CACNA1E: variants seen among roughly 807,000 people sequenced by gnomAD.
CACNA1E encodes the protein calcium voltage-gated channel subunit alpha1 E.
Under a neutral mutation model 259.2 loss-of-function variants are expected in CACNA1E, and 40 were observed. The ratio of observed to expected loss-of-function variants is 0.15; its 90% CI spans 0.12 to 0.20. The LOEUF (loss-of-function observed/expected upper bound fraction) is 0.20. Ranked by LOEUF, CACNA1E falls within the 10% of genes least tolerant of loss-of-function variation. The pLI is 1.00. For missense variants in CACNA1E, 1,874 were observed against 3,040.1 expected (o/e 0.62, Z 9.02); for synonymous variants, 1,104 against 1,138.5 (o/e 0.97, Z 0.61).
Position 181,798,745 on chromosome 1 carries a change from C to T in CACNA1E, c.6853C>T (p.Arg2285Trp), listed in dbSNP as rs769784112. The T allele has an allele frequency of 1.2e-5, 19 of 1,605,054 alleles. No individual in the cohort carries two copies. Among genetic ancestry groups the T allele is most frequent in the Admixed American group, 3.4e-5 (2 of 59,620 alleles). The change falls in exon 48 of 48, where the codon CGG (arginine) becomes TGG (tryptophan). Residue 2285 changes from arginine (R) to tryptophan (W), a missense_variant. Transcript: ENST00000367573. The surrounding 1 kb of genome is among the most constrained non-coding windows in gnomAD (Gnocchi z 4.2). ...SWQMPNGHYR[R>W]RRRGGPGPGM... ...GCAGATGCCCAACGGGCACTATCGGCGGCGGAGGCGCGGGGGGCCTGGGCC... is the reference window on the plus strand; with the variant it reads ...GCAGATGCCCAACGGGCACTATCGGTGGCGGAGGCGCGGGGGGCCTGGGCC...
intron 1 of CACNA1E, among the ~76,000 whole-genome samples, chr1:181,340,439 A>C (rs1484789356): frequency 1.3e-5 from 2 of 152,100 alleles, no homozygotes; most frequent in Non-Finnish European, 2.9e-5. Context: ...TTATTCTTCC[A>C]CATGATCTTT....
At chr1:181,508,736 G>C (rs61812705) in intron 1 of CACNA1E, among the ~76,000 whole-genome samples, 20,532 of 152,204 alleles carry the variant, frequency 0.13, 1,505 homozygotes, top group South Asian at 0.17. Flanking sequence ...GGGCGTCTGT[G>C]GTGTGTGTCT....
chr1:181,324,348 G>A (rs532980346), intron 1 of CACNA1E, among the ~76,000 whole-genome samples: 1 of 152,314 alleles, frequency 6.6e-6, no homozygotes, highest in South Asian at 2.1e-4. Flanking sequence ...CAACATCAGG[G>A]AAGGCTTCTG....
chr1:181,583,556 T>A (rs1270152842), intron 6 of CACNA1E, among the ~76,000 whole-genome samples: 1 of 152,242 alleles, frequency 6.6e-6, no homozygotes, highest in Non-Finnish European at 1.5e-5. Flanking sequence ...TTTAACCTTT[T>A]TATATGCAAT....
intron 1 of CACNA1E, among the ~76,000 whole-genome samples, chr1:181,411,999 C>T (rs924313476): frequency 2.0e-4 from 30 of 152,264 alleles, no homozygotes; most frequent in Non-Finnish European, 3.4e-4. Context: ...GTTCTTCCTG[C>T]CTCTTCCATG....
At chr1:181,343,609 C>T (rs1003513282) in intron 1 of CACNA1E, among the ~76,000 whole-genome samples, 1 of 152,188 alleles carries the variant, frequency 6.6e-6, no homozygotes, top group African/African-American at 2.4e-5. Flanking sequence ...TTTTAAATTA[C>T]CCTCAGCTGT....
chr1:181,336,766 T>C lies in CACNA1E; in HGVS notation c.-15+18643T>C, dbSNP rs988237791. On this transcript the variant is annotated intron_variant, in intron 1 of 11. Coordinates refer to the CACNA1E transcript ENST00000524607. ...GCCCTTGGCAACCACCAATCTACTT[T>C]CTGTCTCTCTGAATTTGACTACTCT... is the stretch of plus-strand genomic sequence containing the variant. 3.9e-5 allele frequency among the ~76,000 whole-genome samples: 6 copies of C among 152,100 alleles called. No homozygotes were observed. The East Asian group carries it at 7.7e-4, about 20-fold the overall frequency.
intron 1 of CACNA1E, among the ~76,000 whole-genome samples, chr1:181,373,582 G>A (rs1415871982): frequency 4.9e-5 from 7 of 143,738 alleles, no homozygotes; most frequent in Middle Eastern, 3.7e-3. Flanking sequence ...CTGTCGCCCA[G>A]GCTGGAGTGC....
rs1197362049 is a variant in CACNA1E at position 181,801,024 on chromosome 1, T to C, written c.*2190T>C. ...AGCACCCTGATCCTAACAGGTGTGA[T>C]TGTTACGTAAGACGCTGATACTGGG... is the stretch of plus-strand genomic sequence containing the variant. On this transcript the variant is annotated 3_prime_UTR_variant, in exon 48 of 48. Transcript: ENST00000367573. 6.6e-6 allele frequency: 1 copy of C among 152,670 alleles called. No individual in the cohort carries two copies. The highest frequency in any genetic ancestry group is 1.5e-5 in the Non-Finnish European group (1 of 68,040). The allele number at this position is 152,670 out of a possible 1,614,324, so 9.5% of individuals were successfully genotyped here.
At chr1:181,694,182 G>T (rs555554286) in intron 7 of CACNA1E, among the ~76,000 whole-genome samples, 1 of 152,290 alleles carries the variant, frequency 6.6e-6, no homozygotes, top group South Asian at 2.1e-4. Context: ...TTTAATTCGT[G>T]AATGCAATGT....
At chr1:181,612,501 A>G (rs1186215484) in intron 6 of CACNA1E, among the ~76,000 whole-genome samples, 1 of 152,144 alleles carries the variant, frequency 6.6e-6, no homozygotes, top group Admixed American at 6.5e-5. Context: ...TTTGTGAGCA[A>G]CTGACATTGA....
intron 3 of CACNA1E, among the ~76,000 whole-genome samples, chr1:181,558,861 A>AC (rs1169762255): frequency 6.6e-6 from 1 of 152,060 alleles, no homozygotes; most frequent in Non-Finnish European, 1.5e-5. Context: ...AATTATGAGG[A>AC]CGTTGGCAGT....
chr1:181,510,716 T>A (rs1480925495), intron 2 of CACNA1E, 134 bp downstream of exon 2: 1 of 652,346 alleles, frequency 1.5e-6, no homozygotes, highest in Non-Finnish European at 2.8e-6. Flanking sequence ...GGGGACAAGC[T>A]AATGACAGAC....
intron 6 of CACNA1E, among the ~76,000 whole-genome samples, chr1:181,624,540 C>G (rs1356121693): frequency 1.3e-5 from 2 of 152,122 alleles, no homozygotes; most frequent in African/African-American, 4.8e-5. Context: ...TAGATTTCAT[C>G]TCAAAAAGTA....
intron 1 of CACNA1E, among the ~76,000 whole-genome samples, chr1:181,495,870 T>G (rs1193717443): frequency 6.6e-6 from 1 of 152,264 alleles, no homozygotes; most frequent in African/African-American, 2.4e-5. Context: ...ATTTACTATG[T>G]GTCAGAATAC....
chr1:181,785,449 T>C (rs1209055885), intron 42 of CACNA1E, 31 bp downstream of exon 42: 1 of 1,470,974 alleles, frequency 6.8e-7, no homozygotes, highest in South Asian at 1.2e-5. Flanking sequence ...GCTAAGTGGG[T>C]GGGCCATGAG....
chr1:181,708,746 T>A (rs1653045045), intron 7 of CACNA1E, among the ~76,000 whole-genome samples: 1 of 152,234 alleles, frequency 6.6e-6, no homozygotes, highest in Non-Finnish European at 1.5e-5. Flanking sequence ...GCATAACTTT[T>A]AAGTTAAGGA....
chr1:181,536,799 C>T (rs2102759027), intron 3 of CACNA1E, among the ~76,000 whole-genome samples: 1 of 152,258 alleles, frequency 6.6e-6, no homozygotes, highest in East Asian at 1.9e-4. Context: ...CATGGAAAGG[C>T]ATGAGAGCAC....
chr1:181,505,908 G>C (rs1665671593), intron 1 of CACNA1E, among the ~76,000 whole-genome samples: 1 of 152,198 alleles, frequency 6.6e-6, no homozygotes, highest in South Asian at 2.1e-4. Context: ...GGGCCCCACT[G>C]TGTGCCAAGT....
Sources: gnomAD v4.1 joint callset for allele counts (sites outside exome capture counted in the v4.1 genomes callset) on GRCh38, gnomAD v4.1.1 for gene constraint, Gnocchi (gnomAD v3.1) non-coding constraint, MANE v1.5 for transcripts, NCBI Gene and HGNC (gene_info 2026-07-23, HGNC 2026-07-21) for gene names.